COP1: variants seen among roughly 807,000 people sequenced by gnomAD.
COP1 encodes the protein E3 ubiquitin-protein ligase COP1.
Under a neutral mutation model 101.3 loss-of-function variants are expected in COP1, and 24 were observed. The observed-to-expected ratio is 0.24, with a 90% CI of 0.17 to 0.33. The LOEUF is 0.33. Ranked by LOEUF, COP1 falls within the 10% of genes least tolerant of loss-of-function variation. The pLI, the probability that COP1 is intolerant of heterozygous loss-of-function variation, is 1.00. For synonymous variants in COP1, 347 were observed against 341.9 expected (o/e 1.01, Z -0.17); for missense variants, 663 against 906.2 (o/e 0.73, Z 3.45).
In COP1 at chr1:176,176,005, T is replaced by C. The variant is rs751810067; in HGVS notation, c.470A>G (p.Tyr157Cys). 6.9e-7 allele frequency: 1 copy of C among 1,459,510 alleles called. No individual in the cohort carries two copies. Among genetic ancestry groups the C allele is most frequent in the South Asian group, 1.2e-5 (1 of 81,340 alleles). 90.4% of individuals were successfully genotyped at this position (1,459,510 alleles called of 1,614,324 possible). The change falls in exon 3 of 20, where the codon TAC (tyrosine) becomes TGC (cysteine). Residue 157 changes from tyrosine (Y) to cysteine (C), a missense_variant and splice_region_variant. By Grantham distance (194) the Tyr-to-Cys change is radical. Coordinates refer to ENST00000367669, the MANE Select transcript of COP1 (RefSeq NM_022457.7). ...YMTKCGHSFCYKCIHQSLEDN... is the reference protein window; with the variant it reads ...YMTKCGHSFCCKCIHQSLEDN... Reference sequence around the variant, plus strand: ...CTCCAAACTCTGATGAATACACTTGTAGCTATTAGTAGGGGGGGAAAAAAA... The same window carrying C: ...CTCCAAACTCTGATGAATACACTTGCAGCTATTAGTAGGGGGGGAAAAAAA...
intron 18 of COP1, among the ~76,000 whole-genome samples, chr1:175,967,877 T>C (rs778210701): frequency 6.6e-6 from 1 of 150,552 alleles, no homozygotes; most frequent in Non-Finnish European, 1.5e-5. Context: ...TCTTTTTTCT[T>C]TTTTTTTTGA....
intron 1 of COP1, among the ~76,000 whole-genome samples, chr1:176,190,229 T>A (rs1012831463): frequency 1.3e-5 from 2 of 152,070 alleles, no homozygotes; most frequent in African/African-American, 4.8e-5. Context: ...GCATCCCTCA[T>A]CTAAAAATTT....
At chr1:175,950,670 C>T (rs780752048) in intron 18 of COP1, among the ~76,000 whole-genome samples, 10 of 151,892 alleles carry the variant, frequency 6.6e-5, no homozygotes, top group African/African-American at 1.5e-4. Context: ...TTTTGGAAAC[C>T]GGCAGTTTTA....
Position 176,046,333 on chromosome 1 carries a change from A to G in COP1, c.1278-9T>C, listed in dbSNP as rs1255697177. ...CCCGGTCAAATTCAATACTAAGGGG[A>G]AAAAGTATGTAATGACAACATTTCA... On this transcript the variant is annotated splice_polypyrimidine_tract_variant and intron_variant, in intron 11 of 19. Transcript: ENST00000367669. 3 of 1,602,848 alleles carry G rather than the reference A, an allele frequency of 1.9e-6. No homozygotes were observed. The highest frequency in any genetic ancestry group is 1.3e-5 in the African/African-American group (1 of 74,350).
intron 16 of COP1, chr1:175,988,627 G>C (rs530058855): frequency 4.2e-5 from 17 of 407,336 alleles, no homozygotes; most frequent in African/African-American, 3.2e-4. Flanking sequence ...GAGGTCTGGA[G>C]TTCGAGACCA....
chr1:176,135,213 T>C, intron 7 of COP1, 127 bp from the exon 8 acceptor site: 2 of 562,270 alleles, frequency 3.6e-6, no homozygotes, highest in Non-Finnish European at 3.1e-6. Context: ...CAATATCAAA[T>C]TTCTGAAGGC....
intron 15 of COP1, among the ~76,000 whole-genome samples, chr1:176,008,018 G>T (rs1399984136): frequency 6.6e-6 from 1 of 152,084 alleles, no homozygotes; most frequent in Non-Finnish European, 1.5e-5. Context: ...TAGGACCCTC[G>T]GAGCCAGGTG....
At chr1:176,054,951 A>C (rs570597857) in intron 11 of COP1, among the ~76,000 whole-genome samples, 1 of 152,324 alleles carries the variant, frequency 6.6e-6, no homozygotes, top group African/African-American at 2.4e-5. Flanking sequence ...ATGCTGTATG[A>C]AGGTCAATAA....
chr1:176,196,177 T>C (rs933858571), intron 1 of COP1, among the ~76,000 whole-genome samples: 1 of 151,808 alleles, frequency 6.6e-6, no homozygotes, highest in African/African-American at 2.4e-5. Flanking sequence ...GGGCCAAAAA[T>C]CAATGATCTA....
chr1:176,032,234 C>T (rs1314933287), intron 14 of COP1, among the ~76,000 whole-genome samples: 1 of 152,082 alleles, frequency 6.6e-6, no homozygotes, highest in Non-Finnish European at 1.5e-5. Context: ...AGGGAGAGTG[C>T]TATTTCAACA....
At chr1:176,024,851 C>T (rs1234787810) in intron 15 of COP1, among the ~76,000 whole-genome samples, 1 of 151,788 alleles carries the variant, frequency 6.6e-6, no homozygotes, top group African/African-American at 2.4e-5. Flanking sequence ...ATGAAAGTAA[C>T]AAAATAAGGA....
intron 3 of COP1, 71 bp from the exon 4 acceptor site, chr1:176,163,962 G>C: frequency 1.0e-6 from 1 of 988,254 alleles, no homozygotes; most frequent in Non-Finnish European, 1.5e-6. Context: ...TAATTCTTCG[G>C]TTTAGATAGA....
chr1:175,954,342 A>G (rs1650339930), intron 18 of COP1, among the ~76,000 whole-genome samples: 2 of 152,188 alleles, frequency 1.3e-5, no homozygotes, highest in South Asian at 4.1e-4. Flanking sequence ...CATTAATGAT[A>G]TAGTAACTTG....
chr1:176,115,324 C>A (rs1685997995), intron 9 of COP1, among the ~76,000 whole-genome samples: 2 of 152,140 alleles, frequency 1.3e-5, no homozygotes, highest in Non-Finnish European at 2.9e-5. Flanking sequence ...GTGGCACACG[C>A]TTGTAGTCCC....
intron 15 of COP1, among the ~76,000 whole-genome samples, chr1:176,008,161 T>C (rs1455110172): frequency 6.6e-6 from 1 of 152,222 alleles, no homozygotes; most frequent in African/African-American, 2.4e-5. Context: ...CCCTGACCCC[T>C]TGCGCTTCCC....
chr1:176,196,734 T>C (rs955916707), intron 1 of COP1, among the ~76,000 whole-genome samples: 4 of 152,016 alleles, frequency 2.6e-5, no homozygotes, highest in Non-Finnish European at 4.4e-5. Context: ...GAACATTCCA[T>C]ATCGTCTTTT....
intron 9 of COP1, among the ~76,000 whole-genome samples, chr1:176,105,555 G>C (rs1684166633): frequency 6.6e-6 from 1 of 152,068 alleles, no homozygotes; most frequent in Admixed American, 6.6e-5. Context: ...TGACAGCTAG[G>C]TTTCCATCAG....
At chr1:175,954,570 T>G (rs367565076) in intron 18 of COP1, among the ~76,000 whole-genome samples, 2 of 152,130 alleles carry the variant, frequency 1.3e-5, no homozygotes, top group African/African-American at 2.4e-5. Flanking sequence ...TCACTAGATA[T>G]TCTATAGATA....
intron 1 of COP1, among the ~76,000 whole-genome samples, chr1:176,197,794 A>T (rs1477797588): frequency 6.6e-6 from 1 of 152,242 alleles, no homozygotes; most frequent in Non-Finnish European, 1.5e-5. Flanking sequence ...CCAAAAAATT[A>T]TTAGAACTAG....
Sources: allele counts gnomAD v4.1 joint callset (sites outside exome capture counted in the v4.1 genomes callset), GRCh38; gene constraint gnomAD v4.1.1; transcripts MANE v1.5; gene names NCBI Gene and HGNC (gene_info 2026-07-23, HGNC 2026-07-21).